COL6A3: variants seen among roughly 807,000 people sequenced by gnomAD.
COL6A3 encodes collagen type VI alpha 3 chain.
COL6A3 carries 137 observed loss-of-function variants against 274.1 expected under a neutral mutation model. The ratio of observed to expected loss-of-function variants is 0.50; its 90% CI spans 0.44 to 0.58. COL6A3 has a LOEUF of 0.58. Among genes scored for constraint, COL6A3 ranks in the 20% least tolerant of loss-of-function variants. The pLI is 0.00. For missense variants in COL6A3, 3,950 were observed against 4,124.9 expected (o/e 0.96, Z 1.16); for synonymous variants, 1,650 against 1,650.6 (o/e 1.00, Z 0.01).
rs1207239805 is a variant in COL6A3, at chr2:237,348,353, G to T, written c.6962C>A (p.Pro2321Gln). 1.2e-6 allele frequency: 2 copies of T among 1,607,848 alleles called. No homozygotes were observed. Among genetic ancestry groups the T allele is most frequent in the African/African-American group, 1.3e-5 (1 of 74,872 alleles). Residue 2321 changes from proline to glutamine, a missense_variant, in exon 30 of 44, where the codon CCA becomes CAA. By Grantham distance (76) the Pro-to-Gln change is moderately conservative. Transcript: ENST00000295550. ...GERGFPGYPG[P>Q]KGNPGEPGLN... ...CACCGACCAGGGATTATTTACCTTT[G>T]GTCCTGGGTATCCAGGGAATCCTCT...
At chr2:237,394,110 A>C (rs1195479453) in intron 3 of COL6A3, among the ~76,000 whole-genome samples, 1 of 152,162 alleles carries the variant, frequency 6.6e-6, no homozygotes, top group Non-Finnish European at 1.5e-5. Flanking sequence ...AACACTCTTA[A>C]ATTAACTCCG....
chr2:237,356,382 G>A (rs2077316717), intron 23 of COL6A3, among the ~76,000 whole-genome samples: 1 of 152,036 alleles, frequency 6.6e-6, no homozygotes, highest in African/African-American at 2.4e-5. Flanking sequence ...AATAAATAGT[G>A]CTCAAACATT....
chr2:237,367,577 C>T (rs1217388351), intron 10 of COL6A3, among the ~76,000 whole-genome samples: 7 of 152,180 alleles, frequency 4.6e-5, no homozygotes, highest in East Asian at 1.9e-4. Context: ...TCAGTTATCC[C>T]GTGCAAAATG....
chr2:237,332,000 T>C (rs1374623558), intron 42 of COL6A3, among the ~76,000 whole-genome samples: 1 of 140,218 alleles, frequency 7.1e-6, no homozygotes, highest in Non-Finnish European at 1.5e-5. Flanking sequence ...GTGTTAAAGG[T>C]CTGGATCAAA....
rs548694184 is a variant in COL6A3 at position 237,413,712 on chromosome 2, C to T, written c.-31+241G>A. Among the ~76,000 whole-genome samples the T allele has an allele frequency of 9.9e-5, 15 of 152,242 alleles. No individual in the cohort carries two copies. In the East Asian group the frequency reaches 2.1e-3, roughly 22 times the overall value. On this transcript the variant is annotated intron_variant, in intron 1 of 43. Coordinates refer to ENST00000295550, the MANE Select transcript of COL6A3 (RefSeq NM_004369.4). The surrounding 1 kb of genome is among the most constrained non-coding windows in gnomAD (Gnocchi z 4.0). ...GGCGCGTGTAGCAGCCACAGACACG[C>T]GGTGGAAAAGTGCTCACACTCTTAG...
chr2:237,383,844 A>C (rs1026921983), intron 4 of COL6A3, among the ~76,000 whole-genome samples: 3 of 152,038 alleles, frequency 2.0e-5, no homozygotes, highest in Non-Finnish European at 2.9e-5. Flanking sequence ...AGCCAGCGGG[A>C]AGGAATACCT....
rs2106341460 is a variant in COL6A3 at position 237,359,389 on chromosome 2, C to T, written c.6283-1G>A. On this transcript the variant is annotated splice_acceptor_variant, in intron 17 of 43. Transcript: ENST00000295550. LOFTEE classifies it high-confidence loss of function. ...TCTCTCCTGGGAATCCCCGAGAGCC[C>T]TAGAAGGCAAGGCGATAGGGGAAGC... is the stretch of plus-strand genomic sequence containing the variant. 6.2e-7 allele frequency: 1 copy of T among 1,613,784 alleles called. No homozygotes were observed. Among genetic ancestry groups the T allele is most frequent in the Non-Finnish European group, 8.5e-7 (1 of 1,179,918 alleles).
Position 237,346,521 on chromosome 2 carries a change from A to G in COL6A3, c.7074T>C (p.Pro2358=), listed in dbSNP as rs1177960272. ...TACTTACAGCTGGTCCTGGGTAGCCAGGGTCTCCCTTCTGTCCAACTATCC... is the reference window on the plus strand; with the variant it reads ...TACTTACAGCTGGTCCTGGGTAGCCGGGGTCTCCCTTCTGTCCAACTATCC... The part of the protein sequence containing the change: ...PPGIVGQKGD[P]GYPGPAGPKG... The change falls in exon 32 of 44, where the codon CCT becomes CCC. Residue 2358 remains proline (P), a synonymous_variant. Coordinates refer to ENST00000295550, the MANE Select transcript of COL6A3 (RefSeq NM_004369.4). 1.2e-6 allele frequency: 2 copies of G among 1,613,942 alleles called. No homozygotes were observed. Among genetic ancestry groups the G allele is most frequent in the African/African-American group, 2.7e-5 (2 of 74,910 alleles).
chr2:237,399,406 G>T (rs369259749), intron 1 of COL6A3, among the ~76,000 whole-genome samples: 1 of 152,182 alleles, frequency 6.6e-6, no homozygotes, highest in African/African-American at 2.4e-5. Flanking sequence ...GTGGTAGCCT[G>T]TTTGGTAAAT....
In COL6A3 at chr2:237,381,215, G is replaced by A. The variant is rs751952844; in HGVS notation, c.1597C>T (p.Arg533Cys). ...LYTGSALDFV[R>C]NNLFTSSAGY... ...GCTGAACTCGTGAATAGGTTGTTAC[G>A]AACAAAGTCTAGAGCAGAGCCCGTG... The change falls in exon 5 of 44, where the codon CGT becomes TGT. Residue 533 changes from arginine to cysteine, a missense_variant. By Grantham distance (180) the Arg-to-Cys change is radical. This residue lies in a region of COL6A3 where 1,934 missense variants were observed against 1,984.3 expected (regional missense o/e 0.97). Coordinates refer to ENST00000295550, the MANE Select transcript of COL6A3 (RefSeq NM_004369.4). The A allele has an allele frequency of 1.6e-5, 26 of 1,614,244 alleles. No homozygotes were observed. Among genetic ancestry groups the A allele is most frequent in the East Asian group, 4.5e-5 (2 of 44,888 alleles).
At position 237,336,314 on chromosome 2, in the gene COL6A3, G is replaced by A. The variant is rs1249121812; in HGVS notation, c.8786C>T (p.Thr2929Ile). The A allele has an allele frequency of 5.0e-6, 8 of 1,613,464 alleles. No homozygotes were observed. Among genetic ancestry groups the A allele is most frequent in the East Asian group, 2.2e-5 (1 of 44,868 alleles). The stretch of plus-strand genomic sequence containing the variant: ...CTTCACCGCCACTGGGGGTCTAACA[G>A]TGGCCATCTTTGTGGCCACAGGCTT... ...AAKPVATKMATVRPPVAVKPA... is the reference protein window; with the variant it reads ...AAKPVATKMAIVRPPVAVKPA... Residue 2929 changes from threonine to isoleucine, a missense_variant, in exon 40 of 44, where the codon ACT (threonine) becomes ATT (isoleucine). Coordinates refer to ENST00000295550, the MANE Select transcript of COL6A3 (RefSeq NM_004369.4).
rs1240001492 is a variant in COL6A3 at position 237,341,145 on chromosome 2, A to C, written c.7771T>G (p.Cys2591Gly). ...AATCCACAGGATGGGTCGATGTTGC[A>C]GATGTCTAGAAAGAAGCATGGCAGC... is the stretch of plus-strand genomic sequence containing the variant. ...VLTCHVCLDI[C>G]NIDPSCGFGS... Residue 2591 changes from cysteine (C) to glycine (G), a missense_variant, in exon 38 of 44, where the codon TGC becomes GGC. Transcript: ENST00000295550. 1 of 1,614,132 alleles carries C rather than the reference A, an allele frequency of 6.2e-7. No individual in the cohort carries two copies. Among genetic ancestry groups the C allele is most frequent in the Non-Finnish European group, 8.5e-7 (1 of 1,180,006 alleles).
rs781427401 is a variant in COL6A3 at position 237,365,866 on chromosome 2, C to T, written c.5670G>A (p.Val1890=). ...GRSPTVRVSV[V]ANTPSGPVEA... is the part of the protein sequence containing the mutation. Reference sequence around the variant, plus strand: ...CCACCGGGCCCGAGGGCGTGTTGGCCACCACTGACACACGCACGGTGGGCG... The same window carrying T: ...CCACCGGGCCCGAGGGCGTGTTGGCTACCACTGACACACGCACGGTGGGCG... The change falls in exon 12 of 44, where the codon GTG becomes GTA. Residue 1890 remains valine (V), a synonymous_variant. Coordinates refer to ENST00000295550, the MANE Select transcript of COL6A3 (RefSeq NM_004369.4). The T allele has an allele frequency of 5.0e-6, 8 of 1,614,182 alleles. No homozygotes were observed. The South Asian group carries it at 5.5e-5, about 11-fold the overall frequency.
chr2:237,340,365 G>A (rs2076959353), intron 38 of COL6A3, 87 bp downstream of exon 38: 1 of 1,262,672 alleles, frequency 7.9e-7, no homozygotes, highest in Non-Finnish European at 1.1e-6. Context: ...CAACACATCG[G>A]TTGTCTTTTC....
At chr2:237,363,165 C>T (rs974234342) in intron 14 of COL6A3, 88 bp downstream of exon 14, 112 of 1,365,528 alleles carry the variant, frequency 8.2e-5, no homozygotes, top group Non-Finnish European at 1.1e-4. Flanking sequence ...CCTCCATTCA[C>T]CTGCTGATAA....
rs921631359 is a variant in COL6A3, at chr2:237,407,670, T to C, written c.-31+6283A>G. 6.6e-6 allele frequency among the ~76,000 whole-genome samples: 1 copy of C among 152,228 alleles called. No individual in the cohort carries two copies. The highest frequency in any genetic ancestry group is 1.5e-5 in the Non-Finnish European group (1 of 68,042). ...AAAAAATTACTTTAAAACATATTCC[T>C]AGCATTGCAGATAATAACCATGAGG... is the stretch of plus-strand genomic sequence containing the variant. On this transcript the variant is annotated intron_variant, in intron 1 of 43. Coordinates refer to ENST00000295550, the MANE Select transcript of COL6A3 (RefSeq NM_004369.4). This position sits in a 1 kb window ranked among gnomAD's most constrained non-coding sequence, Gnocchi z 4.3.
chr2:237,376,991 T>G lies in COL6A3; in HGVS notation c.2851A>C (p.Arg951=). ...GGCCCATCCACACGGTCAGATGACC[T>G]TCCTGCGACCAGCAGCACCAGGAAC... ...LQFLVLLVAG[R]SSDRVDGPAS... Residue 951 remains arginine (R), a synonymous_variant, in exon 7 of 44, where the codon AGG becomes CGG. Coordinates refer to ENST00000295550, the MANE Select transcript of COL6A3 (RefSeq NM_004369.4). 6.2e-7 allele frequency: 1 copy of G among 1,614,206 alleles called. No homozygotes were observed. The highest frequency in any genetic ancestry group is 8.5e-7 in the Non-Finnish European group (1 of 1,180,036).
chr2:237,361,026 G>T lies in COL6A3; in HGVS notation c.6210+95C>A. ...TTTTCTCCCAAAGGGAAAGCCATCA[G>T]CAACTGAACAAATGATGAAATCCAC... On this transcript the variant is annotated intron_variant, in intron 16 of 43. Transcript: ENST00000295550. This position sits in a 1 kb window ranked among gnomAD's most constrained non-coding sequence, Gnocchi z 5.1. 9.6e-7 allele frequency: 1 copy of T among 1,040,270 alleles called. No individual in the cohort carries two copies. Among genetic ancestry groups the T allele is most frequent in the Non-Finnish European group, 1.5e-6 (1 of 658,552 alleles). 64.4% of individuals were successfully genotyped at this position (1,040,270 alleles called of 1,614,324 possible).
At chr2:237,346,274 C>T (rs530501085) in intron 32 of COL6A3, among the ~76,000 whole-genome samples, 38 of 152,330 alleles carry the variant, frequency 2.5e-4, no homozygotes, top group African/African-American at 9.1e-4. Flanking sequence ...TTACAATACT[C>T]CCTAGATGAC....
Sources: gnomAD v4.1 joint callset for allele counts (sites outside exome capture counted in the v4.1 genomes callset) on GRCh38, gnomAD v4.1.1 for gene constraint, gnomAD v4.1.1 regional missense constraint, Gnocchi (gnomAD v3.1) non-coding constraint, MANE v1.5 for transcripts, NCBI Gene and HGNC (gene_info 2026-07-23, HGNC 2026-07-21) for gene names.